The following ENTPD1 variants were observed in gnomAD, a reference collection of about 807,000 sequenced individuals.
ENTPD1 encodes the protein ectonucleoside triphosphate diphosphohydrolase 1.
A neutral mutation model predicts 57.0 loss-of-function variants in ENTPD1; 33 were observed. The observed-to-expected ratio is 0.58, with a 90% CI of 0.44 to 0.77. The LOEUF is 0.77. Among genes scored for constraint, ENTPD1 ranks in the 30% least tolerant of loss-of-function variants. The pLI is 0.00. For synonymous variants in ENTPD1, 202 were observed against 218.8 expected (o/e 0.92, Z 0.68); for missense variants, 501 against 603.4 (o/e 0.83, Z 1.78).
the ENTPD1 span, among the ~76,000 whole-genome samples, chr10:95,698,015 A>G: frequency 1.3e-5 from 2 of 152,238 alleles, no homozygotes; most frequent in African/African-American, 4.8e-5. Flanking sequence ...AGACTCAGAA[A>G]ACAAAAAGAC....
At chr10:95,805,994 T>C (rs1218057928) in intron 1 of ENTPD1, among the ~76,000 whole-genome samples, 1 of 152,218 alleles carries the variant, frequency 6.6e-6, no homozygotes, top group Non-Finnish European at 1.5e-5. Flanking sequence ...TCGAGGAATA[T>C]CTTTGTGGTG....
intron 1 of ENTPD1, among the ~76,000 whole-genome samples, chr10:95,729,104 A>G (rs559619684): frequency 6.6e-6 from 1 of 152,168 alleles, no homozygotes; most frequent in East Asian, 1.9e-4. Flanking sequence ...AAATATATAT[A>G]TATTTTTTGA....
intron 6 of ENTPD1, among the ~76,000 whole-genome samples, chr10:95,846,679 T>C (rs1315096151): frequency 6.6e-6 from 1 of 152,070 alleles, no homozygotes; most frequent in Admixed American, 6.6e-5. Context: ...CCCTAGTAGG[T>C]TGTGGGTTAG....
rs142563972 is a variant in ENTPD1 at position 95,837,141 on chromosome 10, C to G, written c.145-2550C>G. 3.9e-5 allele frequency among the ~76,000 whole-genome samples: 6 copies of G among 152,322 alleles called. No individual in the cohort carries two copies. The East Asian group carries it at 1.2e-3, about 29-fold the overall frequency. On this transcript the variant is annotated intron_variant, in intron 2 of 9. Transcript: ENST00000371205. ...TGTGTAAGTAAGGCCTTAGAGAAAA[C>G]AAGCTGACAGAAGCAAGCCTGGTTC... is the stretch of plus-strand genomic sequence containing the variant.
At chr10:95,728,610 A>G (rs2097986126) in intron 1 of ENTPD1, among the ~76,000 whole-genome samples, 2 of 152,166 alleles carry the variant, frequency 1.3e-5, no homozygotes, top group South Asian at 2.1e-4. Flanking sequence ...ACTAAACACA[A>G]TGAAAAATAT....
chr10:95,712,918 C>T (rs371938251), intron 1 of ENTPD1, among the ~76,000 whole-genome samples: 2 of 152,044 alleles, frequency 1.3e-5, no homozygotes, highest in East Asian at 3.9e-4. Context: ...CCTGTAGTCC[C>T]AACTACTCGG....
intron 1 of ENTPD1, among the ~76,000 whole-genome samples, chr10:95,812,393 T>C (rs1416148216): frequency 6.6e-6 from 1 of 152,246 alleles, no homozygotes; most frequent in African/African-American, 2.4e-5. Context: ...TTGAGATTCA[T>C]ACATATTGTT....
chr10:95,756,750 A>G (rs918988597), intron 1 of ENTPD1: 4 of 154,038 alleles, frequency 2.6e-5, no homozygotes, highest in African/African-American at 9.7e-5. Flanking sequence ...TTAATGTGGC[A>G]CAAGGCTGTC....
intron 1 of ENTPD1, 104 bp from the exon 2 acceptor site, chr10:95,823,133 C>G: frequency 4.3e-6 from 6 of 1,394,274 alleles, no homozygotes; most frequent in Non-Finnish European, 6.1e-6. Flanking sequence ...TTTAATCTGT[C>G]TCTGATGTCT....
At position 95,819,704 on chromosome 10, in the gene ENTPD1, C is replaced by T. The variant is rs182309546; in HGVS notation, c.17-3533C>T. On this transcript the variant is annotated intron_variant, in intron 1 of 9. Coordinates refer to ENST00000371205, the MANE Select transcript of ENTPD1 (RefSeq NM_001776.6). Reference sequence around the variant, plus strand: ...TGAAGTTAATATTACCTTGCTCTCTCACTTTAAGCTGAAAATTCCCCTCCC... The same window carrying T: ...TGAAGTTAATATTACCTTGCTCTCTTACTTTAAGCTGAAAATTCCCCTCCC... 5.9e-5 allele frequency among the ~76,000 whole-genome samples: 9 copies of T among 152,218 alleles called. No homozygotes were observed. The East Asian group carries it at 1.7e-3, about 29-fold the overall frequency.
At chr10:95,858,623 T>TC (rs201931341) in intron 7 of ENTPD1, among the ~76,000 whole-genome samples, 2,467 of 152,152 alleles carry the variant, frequency 0.016, 58 homozygotes, top group African/African-American at 0.056. Flanking sequence ...CATACCACGA[T>TC]CTTTTTCTGC....
chr10:95,812,912 A>G (rs1338953575), intron 1 of ENTPD1, among the ~76,000 whole-genome samples: 2 of 152,166 alleles, frequency 1.3e-5, no homozygotes, highest in Non-Finnish European at 1.5e-5. Context: ...TTGATAACAC[A>G]TATTTCTTTT....
In ENTPD1 at chr10:95,872,247, C is replaced by A. The variant is rs1681081052; in HGVS notation, c.*5864C>A. Reference sequence around the variant, plus strand: ...TAATTTCATTGCTGCTCAACTAAAACCACTGGTGGCTTTCCATTGCCTACA... The same window carrying A: ...TAATTTCATTGCTGCTCAACTAAAAACACTGGTGGCTTTCCATTGCCTACA... On this transcript the variant is annotated 3_prime_UTR_variant, in exon 10 of 10. Transcript: ENST00000371205. The A allele has an allele frequency of 2.3e-5, 23 of 985,434 alleles. No individual in the cohort carries two copies. Among genetic ancestry groups the A allele is most frequent in the Non-Finnish European group, 2.8e-5 (23 of 829,940 alleles). 61.0% of individuals were successfully genotyped at this position (985,434 alleles called of 1,614,324 possible). A position where few individuals can be genotyped will look rare whatever the true frequency, so the allele number is the denominator to read the frequency against.
chr10:95,771,955 A>G (rs2098117172), intron 1 of ENTPD1, among the ~76,000 whole-genome samples: 1 of 152,226 alleles, frequency 6.6e-6, no homozygotes. Flanking sequence ...AGACCGCTAC[A>G]AAGGAAGTAA....
intron 1 of ENTPD1, among the ~76,000 whole-genome samples, chr10:95,817,893 G>A (rs115030653): frequency 0.037 from 5,670 of 152,244 alleles, 126 homozygotes; most frequent in Non-Finnish European, 0.049. Context: ...TCAGAGCCTA[G>A]GGCAGGTCTA....
At chr10:95,865,882 C>T (rs1006724720) in intron 9 of ENTPD1, among the ~76,000 whole-genome samples, 1 of 152,080 alleles carries the variant, frequency 6.6e-6, no homozygotes, top group Non-Finnish European at 1.5e-5. Context: ...ATCCTCCCCA[C>T]CCAGGCTCCC....
At position 95,832,915 on chromosome 10, in the gene ENTPD1, T is replaced by C. The variant is rs571941353; in HGVS notation, c.145-6776T>C. On this transcript the variant is annotated intron_variant, in intron 2 of 9. Coordinates refer to ENST00000371205, the MANE Select transcript of ENTPD1 (RefSeq NM_001776.6). ...GAGACTACCTGCTTTAATGAAGATA[T>C]GTCCTATGGAAGGCCCTTAGCTATT... Among the ~76,000 whole-genome samples the C allele has an allele frequency of 3.9e-5, 6 of 152,368 alleles. No homozygotes were observed. The South Asian group carries it at 1.2e-3, about 32-fold the overall frequency.
chr10:95,700,914 T>C, the ENTPD1 span, among the ~76,000 whole-genome samples: 1 of 152,046 alleles, frequency 6.6e-6, no homozygotes, highest in Non-Finnish European at 1.5e-5. Context: ...TGCCTCAGCT[T>C]CCCAAGTAGC....
intron 1 of ENTPD1, among the ~76,000 whole-genome samples, chr10:95,732,933 T>C (rs1426056532): frequency 6.6e-6 from 1 of 152,030 alleles, no homozygotes; most frequent in Non-Finnish European, 1.5e-5. Flanking sequence ...GGGGGCGAAA[T>C]TAAAATTGCT....
Sources: allele counts gnomAD v4.1 joint callset (sites outside exome capture counted in the v4.1 genomes callset), GRCh38; gene constraint gnomAD v4.1.1; transcripts MANE v1.5; gene names NCBI Gene and HGNC (gene_info 2026-07-23, HGNC 2026-07-21).